Variants in PAX8 observed in about 807,000 individuals in gnomAD.
PAX8 encodes paired box 8.
In PAX8, 15 loss-of-function variants were observed where a neutral mutation model predicts 52.4. The ratio of observed to expected loss-of-function variants is 0.29; its 90% confidence interval spans 0.19 to 0.44. The LOEUF is 0.44. Ranked by LOEUF, PAX8 falls within the 20% of genes least tolerant of loss-of-function variation. The pLI is 1.00. For missense variants in PAX8, 554 were observed against 602.5 expected (o/e 0.92, Z 0.84); for synonymous variants, 284 against 249.7 (o/e 1.14, Z -1.29).
Position 113,217,654 on chromosome 2 carries a change from A to G in PAX8, c.*879T>C, listed in dbSNP as rs1006905955. ...GGTGGGCGTGAGCTGCAGGAAGCAC[A>G]TTTGGCTTGGCAGGAGCTGTCAGGA... On this transcript the variant is annotated 3_prime_UTR_variant, in exon 12 of 12. Transcript: ENST00000429538. 4.3e-6 allele frequency: 1 copy of G among 231,870 alleles called. No individual in the cohort carries two copies. The highest frequency in any genetic ancestry group is 2.2e-5 in the African/African-American group (1 of 45,260). 14.4% of individuals were successfully genotyped at this position (231,870 alleles called of 1,614,324 possible). A position where few individuals can be genotyped will look rare whatever the true frequency, so the allele number is the denominator to read the frequency against.
intron 7 of PAX8, chr2:113,240,504 A>T (rs892246217): frequency 1.3e-5 from 2 of 152,264 alleles, no homozygotes; most frequent in African/African-American, 4.8e-5. Flanking sequence ...GACACTCCTC[A>T]TCTGGTTGAC....
intron 2 of PAX8, among the ~76,000 whole-genome samples, chr2:113,252,132 A>G (rs1395123570): frequency 6.6e-6 from 1 of 152,234 alleles, no homozygotes; most frequent in Non-Finnish European, 1.5e-5. Context: ...GTGTTCTGCA[A>G]AAATTTCCAC....
intron 2 of PAX8, among the ~76,000 whole-genome samples, chr2:113,263,957 G>A (rs1203100748): frequency 6.6e-6 from 1 of 152,040 alleles, no homozygotes; most frequent in Non-Finnish European, 1.5e-5. Flanking sequence ...TAAGGAAGAA[G>A]GAGAGGAAAA....
chr2:113,264,398 G>A (rs746734683), intron 2 of PAX8, among the ~76,000 whole-genome samples: 2 of 152,166 alleles, frequency 1.3e-5, no homozygotes, highest in African/African-American at 4.8e-5. Flanking sequence ...TTATTATAAA[G>A]AAAATAGAAA....
intron 2 of PAX8, among the ~76,000 whole-genome samples, chr2:113,254,083 C>T (rs953986370): frequency 6.6e-6 from 1 of 152,150 alleles, no homozygotes; most frequent in East Asian, 1.9e-4. Context: ...TTTTTCCATT[C>T]TCTGCATATG....
intron 7 of PAX8, chr2:113,240,154 G>A (rs536207450): frequency 2.6e-5 from 4 of 152,576 alleles, no homozygotes; most frequent in African/African-American, 9.6e-5. Context: ...CACAGAGTGA[G>A]CTTCCTGCAG....
At chr2:113,276,721 A>T in intron 2 of PAX8, 1 of 150,446 alleles carries the variant, frequency 6.6e-6, no homozygotes. Context: ...GGGCAGCGGC[A>T]GAGAGTAAGG....
At chr2:113,229,890 G>A (rs1333138287) in intron 9 of PAX8, among the ~76,000 whole-genome samples, 1 of 152,108 alleles carries the variant, frequency 6.6e-6, no homozygotes, top group Non-Finnish European at 1.5e-5. Flanking sequence ...GGTGGTGGCG[G>A]ATTCAGGCCT....
In PAX8 at chr2:113,236,589, C is replaced by T. The variant is rs373810250; in HGVS notation, c.898+12G>A. 5.6e-5 allele frequency: 87 copies of T among 1,559,316 alleles called. No homozygotes were observed. The highest frequency in any genetic ancestry group is 7.1e-5 in the Non-Finnish European group (82 of 1,153,286). On this transcript the variant is annotated intron_variant, in intron 8 of 11. Coordinates refer to ENST00000429538, the MANE Select transcript of PAX8 (RefSeq NM_003466.4). ...CGCCCTCCACCTGCCAGGGAGGCTC[C>T]GGGCGTTGTACCTGCCACCACGGGG... is the stretch of plus-strand genomic sequence containing the variant.
At chr2:113,250,245 T>A (rs569998466) in intron 2 of PAX8, among the ~76,000 whole-genome samples, 4 of 132,510 alleles carry the variant, frequency 3.0e-5, no homozygotes, top group Non-Finnish European at 4.6e-5. Context: ...CCAGCCTGGG[T>A]GACAGAGCAA....
At chr2:113,267,043 T>C (rs1693118034) in intron 2 of PAX8, 2 of 152,262 alleles carry the variant, frequency 1.3e-5, no homozygotes, top group South Asian at 4.1e-4. Context: ...GTGGTTTGTG[T>C]TCACACTTCT....
chr2:113,220,435 G>A (rs1459965079), intron 10 of PAX8: 1 of 449,080 alleles, frequency 2.2e-6, no homozygotes, highest in Non-Finnish European at 4.0e-6. Context: ...AGCCCTCCCA[G>A]GAGGCCCAGA....
intron 9 of PAX8, among the ~76,000 whole-genome samples, chr2:113,229,030 C>A (rs1689742253): frequency 6.6e-6 from 1 of 152,148 alleles, no homozygotes; most frequent in Non-Finnish European, 1.5e-5. Context: ...AGCAGAAAGC[C>A]AGGATGCTAA....
chr2:113,250,391 C>T (rs142362629), intron 2 of PAX8, among the ~76,000 whole-genome samples: 113 of 152,230 alleles, frequency 7.4e-4, no homozygotes, highest in African/African-American at 2.6e-3. Context: ...AATGTTATGA[C>T]CCAATCTTGG....
chr2:113,244,740 A>C (rs1691165417), intron 3 of PAX8, 116 bp from the exon 4 acceptor site: 1 of 936,086 alleles, frequency 1.1e-6, no homozygotes, highest in African/African-American at 1.6e-5. Flanking sequence ...ATGAGAGTGA[A>C]ATGTGCCTCC....
At chr2:113,269,624 C>T (rs566304035) in intron 2 of PAX8, 1 of 152,178 alleles carries the variant, frequency 6.6e-6, no homozygotes, top group African/African-American at 2.4e-5. Flanking sequence ...TAAATGTCAA[C>T]CAGGGTTTGC....
At chr2:113,246,044 A>G (rs1491585) in intron 3 of PAX8, among the ~76,000 whole-genome samples, 75,048 of 152,092 alleles carry the variant, frequency 0.49, 18,883 homozygotes, top group African/African-American at 0.59. Flanking sequence ...CTGTGACTGC[A>G]TCAGCTCAGA....
chr2:113,236,822 C>G (rs1025261367), intron 7 of PAX8, 101 bp from the exon 8 acceptor site: 203 of 1,374,338 alleles, frequency 1.5e-4, no homozygotes, highest in Middle Eastern at 1.8e-4. Context: ...CCTCATCTCC[C>G]CAGGAGAGGT....
chr2:113,247,961 G>A (rs566187312), intron 2 of PAX8, among the ~76,000 whole-genome samples: 1 of 152,290 alleles, frequency 6.6e-6, no homozygotes, highest in South Asian at 2.1e-4. Flanking sequence ...CTTGGCTCAA[G>A]GAAACACAGA....
Sources: allele counts gnomAD v4.1 joint callset (sites outside exome capture counted in the v4.1 genomes callset), GRCh38; gene constraint gnomAD v4.1.1; transcripts MANE v1.5; gene names NCBI Gene and HGNC (gene_info 2026-07-23, HGNC 2026-07-21).